Variants in MTSS1 observed in about 807,000 individuals in gnomAD.
MTSS1 encodes protein MTSS 1.
MTSS1 carries 18 observed loss-of-function variants against 79.0 expected under a neutral mutation model. The ratio of observed to expected loss-of-function variants is 0.23; its 90% CI spans 0.16 to 0.34. MTSS1 has a LOEUF of 0.34. Ranked by LOEUF, MTSS1 falls within the 10% of genes least tolerant of loss-of-function variation. The probability of loss-of-function intolerance (pLI) is 1.00; values close to 1 mark genes in which losing one functional copy is unlikely to be tolerated. For missense variants in MTSS1, 815 were observed against 986.2 expected, an observed-to-expected ratio of 0.83 and a Z score of 2.33; for synonymous variants, 341 against 368.6, an observed-to-expected ratio of 0.93 and a Z score of 0.86.
chr8:124,613,146 A>G (rs1836194757), intron 3 of MTSS1, among the ~76,000 whole-genome samples: 1 of 152,166 alleles, frequency 6.6e-6, no homozygotes, highest in Non-Finnish European at 1.5e-5. Context: ...GCTCAGGGCA[A>G]CCCACCGAAC....
intron 12 of MTSS1, 150 bp from the exon 13 acceptor site, chr8:124,556,054 C>T (rs1397165713): frequency 6.5e-7 from 1 of 1,540,890 alleles, no homozygotes; most frequent in South Asian, 1.2e-5. Flanking sequence ...AGTTCTGCCT[C>T]TCTCATTCCC....
chr8:124,585,897 G>A (rs754269268), intron 5 of MTSS1, among the ~76,000 whole-genome samples: 1 of 152,134 alleles, frequency 6.6e-6, no homozygotes, highest in African/African-American at 2.4e-5. Context: ...CAGAAAAAGT[G>A]TCTCATACAG....
At chr8:124,640,697 C>T (rs931042453) in intron 3 of MTSS1, among the ~76,000 whole-genome samples, 1 of 152,116 alleles carries the variant, frequency 6.6e-6, no homozygotes, top group African/African-American at 2.4e-5. Context: ...GTGCCCGCCC[C>T]CATGCCCGGC....
chr8:124,704,750 G>A (rs1199681962), intron 1 of MTSS1, among the ~76,000 whole-genome samples: 1 of 152,162 alleles, frequency 6.6e-6, no homozygotes, highest in Non-Finnish European at 1.5e-5. Flanking sequence ...CGGCTAACAG[G>A]GAACTCATCA....
chr8:124,641,979 A>C (rs1288203221), intron 3 of MTSS1, among the ~76,000 whole-genome samples: 1 of 152,184 alleles, frequency 6.6e-6, no homozygotes, highest in Non-Finnish European at 1.5e-5. Context: ...TTCAAGGCAC[A>C]GAGAAATTTA....
chr8:124,690,859 T>A (rs1052707483), intron 3 of MTSS1, among the ~76,000 whole-genome samples: 9 of 152,228 alleles, frequency 5.9e-5, no homozygotes, highest in Admixed American at 2.6e-4. Flanking sequence ...GGTATTTTTT[T>A]AAATTTATAA....
chr8:124,565,831 C>T (rs577616713), intron 8 of MTSS1, 72 bp from the exon 9 acceptor site: 2 of 1,281,470 alleles, frequency 1.6e-6, no homozygotes, highest in East Asian at 4.8e-5. Flanking sequence ...GCTTAACATC[C>T]ACCAAAGCAT....
chr8:124,695,367 G>T (rs1324331100), intron 3 of MTSS1, among the ~76,000 whole-genome samples: 1 of 151,694 alleles, frequency 6.6e-6, no homozygotes, highest in Non-Finnish European at 1.5e-5. Context: ...AAGGCTGTAA[G>T]CAAGGGAGTA....
chr8:124,558,705 G>T (rs1824573691), intron 10 of MTSS1: 1 of 1,540,588 alleles, frequency 6.5e-7, no homozygotes, highest in African/African-American at 1.4e-5. Flanking sequence ...TGCCACCCGG[G>T]CGGTCACCTT....
chr8:124,575,571 G>GTTTTT (rs11472869), intron 6 of MTSS1, among the ~76,000 whole-genome samples: 37 of 151,734 alleles, frequency 2.4e-4, no homozygotes, highest in African/African-American at 5.8e-4. Context: ...GGTAGGGTGG[G>GTTTTT]TTTTTTGTTG....
At chr8:124,574,558 C>G (rs1828581920) in intron 6 of MTSS1, among the ~76,000 whole-genome samples, 1 of 152,154 alleles carries the variant, frequency 6.6e-6, no homozygotes, top group Non-Finnish European at 1.5e-5. Flanking sequence ...ATGCTGGGAA[C>G]AAGCTGCCAG....
In MTSS1 at chr8:124,556,418, A is replaced by G; in HGVS notation, c.1231-13T>C. 5 of 1,597,754 alleles carry G rather than the reference A, an allele frequency of 3.1e-6. No individual in the cohort carries two copies. The highest frequency in any genetic ancestry group is 4.3e-6 in the Non-Finnish European group (5 of 1,170,994). The stretch of plus-strand genomic sequence containing the variant: ...GCTTAGCCCAGTCCTATGCAAAACA[A>G]GTGCGGTCAGGAGCCAGGGCCTCTG... On this transcript the variant is annotated splice_polypyrimidine_tract_variant and intron_variant, in intron 11 of 13. Transcript: ENST00000518547.
chr8:124,693,773 TC>T (rs1223735380), intron 3 of MTSS1, among the ~76,000 whole-genome samples: 1 of 152,196 alleles, frequency 6.6e-6, no homozygotes, highest in Non-Finnish European at 1.5e-5. Context: ...TAATCTTGCT[TC>T]CTCCACTTCC....
chr8:124,564,686 TTCACTC>T (rs977461241), intron 9 of MTSS1: 2 of 49,086 alleles, frequency 4.1e-5, no homozygotes, highest in African/African-American at 1.2e-4. Flanking sequence ...AGGTCTCTCT[TTCACTC>T]ACACACACAC....
At chr8:124,688,383 GTGTGTATGTGTATA>G (rs1445163881) in intron 3 of MTSS1, among the ~76,000 whole-genome samples, 13 of 151,836 alleles carry the variant, frequency 8.6e-5, no homozygotes, top group Admixed American at 7.2e-4. Context: ...TGTGTATGTT[GTGTGTATGTGTATA>G]TGTGTATGTG....
intron 6 of MTSS1, among the ~76,000 whole-genome samples, 174 bp downstream of exon 6, chr8:124,584,913 T>G (rs56177502): frequency 0.041 from 6,182 of 152,252 alleles, 150 homozygotes; most frequent in South Asian, 0.1. Flanking sequence ...AGGCCTCAAA[T>G]TAATACCTAT....
chr8:124,571,955 C>G (rs1394049126), intron 6 of MTSS1, among the ~76,000 whole-genome samples: 2 of 152,104 alleles, frequency 1.3e-5, no homozygotes, highest in Non-Finnish European at 2.9e-5. Context: ...CAGAGCAAGA[C>G]TCCATCTAAA....
At position 124,553,541 on chromosome 8, in the gene MTSS1, G is replaced by T; in HGVS notation, c.1719C>A (p.Leu573=). The part of the protein sequence containing the change: ...QAKRPASTAG[L]PTTLGPAMVT... ...CCATAGCAGGTCCCAGGGTGGTGGG[G>T]AGGCCAGCAGTTGAGGCTGGACGCT... The change falls in exon 14 of 14, where the codon CTC becomes CTA. Residue 573 remains leucine, a synonymous_variant. Transcript: ENST00000518547. The surrounding 1 kb of genome is among the most constrained non-coding windows in gnomAD (Gnocchi z 6.0). 6.2e-7 allele frequency: 1 copy of T among 1,614,170 alleles called. No individual in the cohort carries two copies. Among genetic ancestry groups the T allele is most frequent in the Non-Finnish European group, 8.5e-7 (1 of 1,180,016 alleles).
At chr8:124,626,395 G>A (rs1203596037) in intron 3 of MTSS1, among the ~76,000 whole-genome samples, 2 of 152,106 alleles carry the variant, frequency 1.3e-5, no homozygotes, top group Admixed American at 6.5e-5. Context: ...TCAGCTACTC[G>A]GGAAGCTGAG....
Sources: gnomAD v4.1 joint callset for allele counts (sites outside exome capture counted in the v4.1 genomes callset) on GRCh38, gnomAD v4.1.1 for gene constraint, Gnocchi (gnomAD v3.1) non-coding constraint, MANE v1.5 for transcripts, NCBI Gene and HGNC (gene_info 2026-07-23, HGNC 2026-07-21) for gene names.